SIMC1: variants seen among roughly 807,000 people sequenced by gnomAD.
SIMC1 encodes SUMO interacting motifs containing 1.
SIMC1 carries 55 observed loss-of-function variants against 82.3 expected under a neutral mutation model. The ratio of observed to expected loss-of-function variants is 0.67; its 90% CI spans 0.54 to 0.84. The LOEUF (loss-of-function observed/expected upper bound fraction) is 0.84. SIMC1 is among the 40% of genes least tolerant of loss of function. The pLI is 0.00. For missense variants in SIMC1, 915 were observed against 1,107.2 expected, an observed-to-expected ratio of 0.83 and a Z score of 2.46; for synonymous variants, 353 against 426.3, an observed-to-expected ratio of 0.83 and a Z score of 2.12.
At chr5:176,271,286 G>A (rs1301112854) in intron 1 of SIMC1, among the ~76,000 whole-genome samples, 1 of 152,194 alleles carries the variant, frequency 6.6e-6, no homozygotes, top group East Asian at 1.9e-4. Context: ...TTTGAACCCT[G>A]GAGGCGGAAG....
chr5:176,253,433 C>T (rs1761755210), intron 1 of SIMC1, among the ~76,000 whole-genome samples: 2 of 152,094 alleles, frequency 1.3e-5, no homozygotes, highest in Admixed American at 6.5e-5. Flanking sequence ...AGCCTAGTCT[C>T]GAACTCCTGA....
intron 1 of SIMC1, among the ~76,000 whole-genome samples, chr5:176,245,580 C>T (rs944836570): frequency 1.3e-5 from 2 of 152,060 alleles, no homozygotes; most frequent in Admixed American, 1.3e-4. Context: ...AGAAGTTTTA[C>T]ATTTTTATAT....
intron 5 of SIMC1, among the ~76,000 whole-genome samples, chr5:176,315,400 C>G (rs928371294): frequency 4.0e-4 from 61 of 152,200 alleles, no homozygotes; most frequent in African/African-American, 1.3e-3. Flanking sequence ...ACCCAAACAT[C>G]TTCCACTAAG....
At chr5:176,280,233 CTTCT>C (rs1762926484) in intron 1 of SIMC1, among the ~76,000 whole-genome samples, 1 of 152,130 alleles carries the variant, frequency 6.6e-6, no homozygotes, top group Non-Finnish European at 1.5e-5. Flanking sequence ...ATCTAATGGC[CTTCT>C]TTGTCTCTTT....
chr5:176,324,350 G>A (rs576255780), intron 6 of SIMC1, among the ~76,000 whole-genome samples: 2 of 152,192 alleles, frequency 1.3e-5, no homozygotes, highest in African/African-American at 4.8e-5. Context: ...AGGTTGTGTG[G>A]TTCTATTTTT....
chr5:176,261,752 A>C (rs1242493412), intron 1 of SIMC1, among the ~76,000 whole-genome samples: 1 of 152,072 alleles, frequency 6.6e-6, no homozygotes. Flanking sequence ...TGTCTCAAAA[A>C]AAAAAGGAAA....
intron 5 of SIMC1, among the ~76,000 whole-genome samples, chr5:176,317,945 G>A (rs1209021673): frequency 6.6e-6 from 1 of 152,196 alleles, no homozygotes; most frequent in Non-Finnish European, 1.5e-5. Flanking sequence ...ACACTCCACA[G>A]GGTAGGAGCA....
At chr5:176,259,135 A>C (rs1427005800) in intron 1 of SIMC1, among the ~76,000 whole-genome samples, 1 of 152,230 alleles carries the variant, frequency 6.6e-6, no homozygotes, top group African/African-American at 2.4e-5. Context: ...AAGGTACATA[A>C]TCATATCATT....
intron 1 of SIMC1, among the ~76,000 whole-genome samples, chr5:176,243,583 G>A (rs1200283558): frequency 6.6e-6 from 1 of 151,666 alleles, no homozygotes; most frequent in South Asian, 2.1e-4. Flanking sequence ...GTGCAGTGGT[G>A]CGATCTCGGC....
At chr5:176,332,028 G>A (rs1765692955) in intron 7 of SIMC1, among the ~76,000 whole-genome samples, 1 of 151,702 alleles carries the variant, frequency 6.6e-6, no homozygotes, top group Non-Finnish European at 1.5e-5. Flanking sequence ...GTCTGAAATT[G>A]TCAATACAAA....
intron 1 of SIMC1, among the ~76,000 whole-genome samples, chr5:176,263,706 A>G (rs1023767698): frequency 5.3e-5 from 8 of 152,244 alleles, no homozygotes; most frequent in East Asian, 3.9e-4. Flanking sequence ...TATCCAAACT[A>G]TTATTCTTTC....
chr5:176,278,199 C>T (rs1392959073), intron 1 of SIMC1, among the ~76,000 whole-genome samples: 1 of 60,970 alleles, frequency 1.6e-5, no homozygotes, highest in Admixed American at 1.7e-4. Context: ...GTATTTTATT[C>T]TCTTTGAAGC....
rs1581299190 is a variant in SIMC1, at chr5:176,313,320, T to C, written c.1735-371T>C. Reference sequence around the variant, plus strand: ...TGATAGGTTCAGTGAGAGGGAGAGATTGACTTCCCATGGCTGCCTCTTAAA... The same window carrying C: ...TGATAGGTTCAGTGAGAGGGAGAGACTGACTTCCCATGGCTGCCTCTTAAA... On this transcript the variant is annotated intron_variant, in intron 4 of 9. Transcript: ENST00000429602. The C allele has an allele frequency of 1.4e-5, 21 of 1,466,460 alleles. 1 individual carries two copies. The South Asian group carries it at 2.9e-4, about 20-fold the overall frequency. 90.8% of individuals were successfully genotyped at this position (1,466,460 alleles called of 1,614,324 possible). A position where few individuals can be genotyped will look rare whatever the true frequency, so the allele number is the denominator to read the frequency against.
At chr5:176,327,008 T>C (rs531989977) in intron 7 of SIMC1, among the ~76,000 whole-genome samples, 30 of 152,246 alleles carry the variant, frequency 2.0e-4, no homozygotes, top group Non-Finnish European at 3.8e-4. Context: ...GGAGGCAGTG[T>C]GTTGTACTGG....
At chr5:176,305,223 G>A (rs1301898361) in intron 4 of SIMC1, among the ~76,000 whole-genome samples, 3 of 66,316 alleles carry the variant, frequency 4.5e-5, no homozygotes, top group Admixed American at 1.4e-4. Flanking sequence ...CAGCCGCCCC[G>A]TCTGGGAGGT....
intron 9 of SIMC1, among the ~76,000 whole-genome samples, chr5:176,344,356 C>T (rs968712778): frequency 1.3e-5 from 2 of 152,084 alleles, no homozygotes; most frequent in Non-Finnish European, 2.9e-5. Context: ...TGATCACACT[C>T]ATGTTAAATA....
At chr5:176,324,599 A>G in intron 6 of SIMC1, 30 bp from the exon 7 acceptor site, 1 of 1,605,430 alleles carries the variant, frequency 6.2e-7, no homozygotes. Flanking sequence ...AGACCCTCAC[A>G]CTCATCTGTG....
At chr5:176,249,368 A>G (rs2560134) in intron 1 of SIMC1, among the ~76,000 whole-genome samples, 77,451 of 151,770 alleles carry the variant, frequency 0.51, 21,041 homozygotes, top group Non-Finnish European at 0.61. Context: ...CATTTCTTCT[A>G]GATTTTCTAG....
chr5:176,344,468 TACACACACACACACACACACACAC>T (rs57991528), intron 9 of SIMC1, among the ~76,000 whole-genome samples: 49 of 146,638 alleles, frequency 3.3e-4, no homozygotes, highest in Non-Finnish European at 5.7e-4. Context: ...GTCAGGAGTA[TACACACACACACACACACACACAC>T]ACACACACAC....
Sources: gnomAD v4.1 joint callset for allele counts (sites outside exome capture counted in the v4.1 genomes callset) on GRCh38, gnomAD v4.1.1 for gene constraint, MANE v1.5 for transcripts, NCBI Gene and HGNC (gene_info 2026-07-23, HGNC 2026-07-21) for gene names.